ZFHX4: variants seen among roughly 807,000 people sequenced by gnomAD.
ZFHX4 encodes the protein zinc finger homeobox protein 4.
A neutral mutation model predicts 267.6 loss-of-function variants in ZFHX4; 56 were observed. The observed-to-expected ratio is 0.21, with a 90% confidence interval of 0.17 to 0.26. The LOEUF is 0.26. Among genes scored for constraint, ZFHX4 ranks in the 10% least tolerant of loss-of-function variants. ZFHX4 has a pLI of 1.00. For missense variants in ZFHX4, 4,332 were observed against 4,420.0 expected, an observed-to-expected ratio of 0.98 and a Z score of 0.56; for synonymous variants, 1,778 against 1,665.6, an observed-to-expected ratio of 1.07 and a Z score of -1.64.
chr8:76,704,935 T>C lies in ZFHX4; in HGVS notation c.847T>C (p.Cys283Arg). Residue 283 changes from cysteine to arginine, a missense_variant, in exon 2 of 11, where the codon TGC (cysteine) becomes CGC (arginine). This residue lies in a region of ZFHX4 where 1,195 missense variants were observed against 1,173.6 expected (regional missense o/e 1.02). Transcript: ENST00000651372. ...GAAACCTGTTTTAATGTGTTTCTTG[T>C]GCAAGTTGTCTTTTGGTTATATCAG... ...KRKPVLMCFL[C>R]KLSFGYIRSF... 1 of 1,614,082 alleles carries C rather than the reference T, an allele frequency of 6.2e-7. No individual in the cohort carries two copies. The highest frequency in any genetic ancestry group is 8.5e-7 in the Non-Finnish European group (1 of 1,179,924).
At chr8:76,819,638 G>A (rs2131861280) in intron 4 of ZFHX4, among the ~76,000 whole-genome samples, 1 of 152,244 alleles carries the variant, frequency 6.6e-6, no homozygotes, top group Middle Eastern at 3.4e-3. Context: ...GCATTTGGCA[G>A]GAAGAAGGAA....
At chr8:76,850,394 A>G in intron 9 of ZFHX4, 32 bp downstream of exon 9, 1 of 1,544,318 alleles carries the variant, frequency 6.5e-7, no homozygotes, top group Non-Finnish European at 8.9e-7. Flanking sequence ...ACTTGTGAAC[A>G]ATACGCTTAG....
At chr8:76,807,257 G>A (rs140548634) in intron 4 of ZFHX4, among the ~76,000 whole-genome samples, 1 of 152,038 alleles carries the variant, frequency 6.6e-6, no homozygotes, top group East Asian at 1.9e-4. Context: ...AACACAAGTG[G>A]TATAGTGGTA....
intron 6 of ZFHX4, among the ~76,000 whole-genome samples, chr8:76,843,396 A>G (rs1260984353): frequency 6.6e-6 from 1 of 152,192 alleles, no homozygotes; most frequent in Non-Finnish European, 1.5e-5. Flanking sequence ...ATCTTCTAGA[A>G]TAGACAAATC....
Position 76,831,018 on chromosome 8 carries a change from T to C in ZFHX4, c.3326-2320T>C, listed in dbSNP as rs565857063. Among the ~76,000 whole-genome samples the C allele has an allele frequency of 3.7e-4, 57 of 152,294 alleles. 1 individual carries two copies. Among genetic ancestry groups the C allele is most frequent in the Non-Finnish European group, 2.6e-4 (18 of 68,018 alleles). ...CAGACAAGGGTTTCATTCCAGGCCA[T>C]TGGTTTCTAACTTTGTGACCTGAGG... On this transcript the variant is annotated intron_variant, in intron 4 of 10. Transcript: ENST00000651372.
At chr8:76,753,724 A>T (rs1445912113) in intron 3 of ZFHX4, among the ~76,000 whole-genome samples, 1 of 146,990 alleles carries the variant, frequency 6.8e-6, no homozygotes, top group Admixed American at 7.0e-5. Flanking sequence ...CTCCAAGCTC[A>T]AGCTATTCTC....
At chr8:76,849,417 C>A in intron 7 of ZFHX4, 95 bp from the exon 8 acceptor site, 1 of 1,174,952 alleles carries the variant, frequency 8.5e-7, no homozygotes, top group East Asian at 2.4e-5. Flanking sequence ...TAAGCATGTA[C>A]CAAAATATCA....
At chr8:76,829,916 G>T (rs1033502687) in intron 4 of ZFHX4, among the ~76,000 whole-genome samples, 2 of 152,052 alleles carry the variant, frequency 1.3e-5, no homozygotes, top group African/African-American at 4.8e-5. Flanking sequence ...CAGAATTCAG[G>T]CCTGAACGAG....
At chr8:76,774,430 A>G (rs776662040) in intron 3 of ZFHX4, among the ~76,000 whole-genome samples, 1 of 152,176 alleles carries the variant, frequency 6.6e-6, no homozygotes, top group African/African-American at 2.4e-5. Flanking sequence ...ATACATCTGT[A>G]TTGATTCAGG....
rs1361082478 is a variant in ZFHX4 at position 76,863,951 on chromosome 8, A to T, written c.10237A>T (p.Thr3413Ser). ...FICRKCQMMFTDEDAAVNHQK... is the reference protein window; with the variant it reads ...FICRKCQMMFSDEDAAVNHQK... ...ATGCAGAAAGTGCCAGATGATGTTT[A>T]CTGATGAAGACGCCGCAGTAAATCA... The change falls in exon 11 of 11, where the codon ACT becomes TCT. Residue 3413 changes from threonine to serine, a missense_variant. Thr to Ser is a moderately conservative substitution (Grantham distance 58). Coordinates refer to ENST00000651372, the MANE Select transcript of ZFHX4 (RefSeq NM_024721.5). The T allele has an allele frequency of 3.7e-6, 6 of 1,608,058 alleles. No individual in the cohort carries two copies. Among genetic ancestry groups the T allele is most frequent in the Middle Eastern group, 3.3e-4 (2 of 6,048 alleles).
At chr8:76,813,159 C>A (rs189739379) in intron 4 of ZFHX4, among the ~76,000 whole-genome samples, 1 of 152,026 alleles carries the variant, frequency 6.6e-6, no homozygotes, top group African/African-American at 2.4e-5. Context: ...AAAATCTTGA[C>A]TTTGGGATTT....
chr8:76,783,873 T>A (rs1364122206), intron 4 of ZFHX4, among the ~76,000 whole-genome samples: 1 of 152,006 alleles, frequency 6.6e-6, no homozygotes, highest in Non-Finnish European at 1.5e-5. Flanking sequence ...AATTAAAAAT[T>A]GAGTATTTCC....
At chr8:76,683,382 C>T in intron 1 of ZFHX4, 1 of 136,484 alleles carries the variant, frequency 7.3e-6, no homozygotes, top group Non-Finnish European at 1.5e-5. Context: ...CACACACATA[C>T]ACACACACAC....
intron 3 of ZFHX4, among the ~76,000 whole-genome samples, chr8:76,737,422 C>A (rs1283529087): frequency 6.6e-6 from 1 of 152,138 alleles, no homozygotes; most frequent in Non-Finnish European, 1.5e-5. Flanking sequence ...CCTGTATAGA[C>A]TAAGACCATG....
At chr8:76,834,644 A>T (rs770674477) in intron 5 of ZFHX4, among the ~76,000 whole-genome samples, 1 of 152,100 alleles carries the variant, frequency 6.6e-6, no homozygotes, top group Non-Finnish European at 1.5e-5. Flanking sequence ...ATTTCAGATG[A>T]CAGTCTTTAT....
intron 10 of ZFHX4, 103 bp from the exon 11 acceptor site, chr8:76,862,991 A>G: frequency 7.1e-7 from 1 of 1,410,898 alleles, no homozygotes; most frequent in Non-Finnish European, 9.2e-7. Context: ...ATCTTTTCTG[A>G]TATAGCAATG....
At chr8:76,767,574 C>T (rs578082050) in intron 3 of ZFHX4, among the ~76,000 whole-genome samples, 21 of 152,156 alleles carry the variant, frequency 1.4e-4, no homozygotes, top group South Asian at 4.2e-4. Context: ...GATACCTGCA[C>T]GTAGCAGTTT....
intron 1 of ZFHX4, among the ~76,000 whole-genome samples, chr8:76,699,538 A>G (rs988219818): frequency 6.6e-6 from 1 of 152,108 alleles, no homozygotes; most frequent in Non-Finnish European, 1.5e-5. Context: ...CCACACAGGT[A>G]TTTACCTGCG....
Position 76,704,167 on chromosome 8 carries a change from C to G in ZFHX4, c.79C>G (p.Leu27Val), listed in dbSNP as rs749363037. 6.2e-7 allele frequency: 1 copy of G among 1,613,860 alleles called. No individual in the cohort carries two copies. The highest frequency in any genetic ancestry group is 2.2e-5 in the East Asian group (1 of 44,892). ...ATCAAAGCTATGTGGAACGACACAA[C>G]TTGATAATGAGGTGCCAGAGAAAGT... ...STSKLCGTTQLDNEVPEKVAG... is the reference protein window; with the variant it reads ...STSKLCGTTQVDNEVPEKVAG... The change falls in exon 2 of 11, where the codon CTT becomes GTT. Residue 27 changes from leucine to valine, a missense_variant. Leu to Val is a conservative substitution (Grantham distance 32). Transcript: ENST00000651372.
Sources: gnomAD v4.1 joint callset for allele counts (sites outside exome capture counted in the v4.1 genomes callset) on GRCh38, gnomAD v4.1.1 for gene constraint, gnomAD v4.1.1 regional missense constraint, MANE v1.5 for transcripts, NCBI Gene and HGNC (gene_info 2026-07-23, HGNC 2026-07-21) for gene names.